Variants in BORA observed in about 807,000 individuals in gnomAD.
The protein encoded by BORA is BORA aurora kinase A activator.
BORA carries 26 observed loss-of-function variants against 55.8 expected under a neutral mutation model. The observed-to-expected ratio is 0.47, with a 90% confidence interval of 0.34 to 0.65. The LOEUF is 0.65. BORA is among the 30% of genes least tolerant of loss of function. BORA has a pLI of 0.01. For synonymous variants in BORA, 201 were observed against 216.9 expected, an observed-to-expected ratio of 0.93 and a Z score of 0.64; for missense variants, 568 against 671.5, an observed-to-expected ratio of 0.85 and a Z score of 1.70.
At chr13:72,735,132 C>T (rs1404832432) in intron 4 of BORA, 127 bp downstream of exon 4, 1 of 728,162 alleles carries the variant, frequency 1.4e-6, no homozygotes, top group Non-Finnish European at 2.3e-6. Context: ...TTCACAGTCC[C>T]ATCTATATAA....
chr13:72,728,230 A>T (rs1372148136), intron 1 of BORA: 1 of 721,930 alleles, frequency 1.4e-6, no homozygotes, highest in East Asian at 2.7e-5. Flanking sequence ...ACCTTCCAGA[A>T]GTAGACTCTT....
intron 5 of BORA, among the ~76,000 whole-genome samples, chr13:72,742,811 C>A (rs1166451624): frequency 2.3e-5 from 3 of 130,362 alleles, no homozygotes; most frequent in Non-Finnish European, 5.0e-5. Flanking sequence ...CACACACACA[C>A]AAAATGGAAT....
At chr13:72,741,035 A>G (rs2033023606) in intron 5 of BORA, among the ~76,000 whole-genome samples, 1 of 152,220 alleles carries the variant, frequency 6.6e-6, no homozygotes, top group African/African-American at 2.4e-5. Context: ...TTGTTTATAC[A>G]TGTTAGCTTG....
intron 11 of BORA, chr13:72,754,915 T>C (rs1000158630): frequency 2.2e-5 from 9 of 405,212 alleles, no homozygotes; most frequent in Non-Finnish European, 3.6e-5. Context: ...GGTCTCACTA[T>C]GTTGCCAGGG....
chr13:72,741,248 C>T (rs1264304550), intron 5 of BORA, among the ~76,000 whole-genome samples: 2 of 152,226 alleles, frequency 1.3e-5, no homozygotes, highest in African/African-American at 4.8e-5. Context: ...ACAGTCTGCA[C>T]AGCCCCAGCA....
chr13:72,728,088 C>A (rs995314880), intron 1 of BORA, 81 bp downstream of exon 1: 2 of 1,527,552 alleles, frequency 1.3e-6, no homozygotes, highest in Non-Finnish European at 1.8e-6. Context: ...GACTTGCCTG[C>A]CCGCTCGCCC....
intron 6 of BORA, 55 bp from the exon 7 acceptor site, chr13:72,744,450 A>T (rs1032750215): frequency 1.4e-6 from 2 of 1,432,276 alleles, no homozygotes; most frequent in Non-Finnish European, 2.0e-6. Flanking sequence ...TATAGTGTAT[A>T]CTTTCATTGA....
chr13:72,736,848 ACTCCTATTACTTTAAAAATGACTTT>A (rs2032938047), intron 4 of BORA, among the ~76,000 whole-genome samples: 1 of 141,838 alleles, frequency 7.1e-6, no homozygotes, highest in Non-Finnish European at 1.5e-5. Flanking sequence ...AATTTGTTCT[ACTCCTATTACTTTAAAAATGACTTT>A]TTTTTTTTGT....
intron 10 of BORA, among the ~76,000 whole-genome samples, chr13:72,747,963 C>G (rs2033186707): frequency 1.3e-5 from 2 of 152,174 alleles, no homozygotes; most frequent in Admixed American, 6.5e-5. Context: ...ATTCATTTAA[C>G]AGATACGTAT....
rs1176673807 is a variant in BORA, at chr13:72,746,015, G to GCCTATT, written c.811_816dup (p.Pro271_Ile272dup). The GCCTATT allele has an allele frequency of 1.9e-6, 3 of 1,612,440 alleles. No homozygotes were observed. In the East Asian group the frequency reaches 6.7e-5, roughly 36 times the overall value. On this transcript the variant is annotated inframe_insertion, in exon 9 of 12. Transcript: ENST00000390667. ...GCTTGGGAAGCATAACTAGTCCTTC[G>GCCTATT]CCTATTTCTTCACCCACTTTCTCAC...
At position 72,744,528 on chromosome 13, in the gene BORA, C is replaced by T. The variant is rs1472300438; in HGVS notation, c.478C>T (p.Leu160Phe). The T allele has an allele frequency of 6.2e-7, 1 of 1,610,944 alleles. No individual in the cohort carries two copies. Among genetic ancestry groups the T allele is most frequent in the Non-Finnish European group, 8.5e-7 (1 of 1,178,250 alleles). Residue 160 changes from leucine (L) to phenylalanine (F), a missense_variant, in exon 7 of 12, where the codon CTT becomes TTT. Leu to Phe is a conservative substitution (Grantham distance 22, BLOSUM62 0). Transcript: ENST00000390667. ...SDAACQTLLSLPVDFNLENIL... is the reference protein window; with the variant it reads ...SDAACQTLLSFPVDFNLENIL... ...AGCTGCTTGTCAGACATTGCTGTCT[C>T]TTCCTGTGGATTTTAATTTAGAAAA...
At position 72,744,501 on chromosome 13, in the gene BORA, C is replaced by T; in HGVS notation, c.455-4C>T. On this transcript the variant is annotated splice_polypyrimidine_tract_variant and splice_region_variant and intron_variant, in intron 6 of 11. Coordinates refer to ENST00000390667, the MANE Select transcript of BORA (RefSeq NM_024808.5). Reference sequence around the variant, plus strand: ...AATTTGTTTATTTATTTGCTTGTTTCCAGCTGCTTGTCAGACATTGCTGTC... The same window carrying T: ...AATTTGTTTATTTATTTGCTTGTTTTCAGCTGCTTGTCAGACATTGCTGTC... 1.9e-6 allele frequency: 3 copies of T among 1,609,324 alleles called. No individual in the cohort carries two copies. The highest frequency in any genetic ancestry group is 2.5e-6 in the Non-Finnish European group (3 of 1,176,906).
chr13:72,745,146 T>C lies in BORA; in HGVS notation c.677T>C (p.Met226Thr). The C allele has an allele frequency of 6.2e-7, 1 of 1,614,142 alleles. No individual in the cohort carries two copies. The highest frequency in any genetic ancestry group is 8.5e-7 in the Non-Finnish European group (1 of 1,179,982). The change falls in exon 8 of 12, where the codon ATG becomes ACG. Residue 226 changes from methionine (M) to threonine (T), a missense_variant. Coordinates refer to ENST00000390667, the MANE Select transcript of BORA (RefSeq NM_024808.5). ...AGTGGTGTTCAAACATCACTAGAGA[T>C]GTTTTATTCAATAGATTTGTCTCCT... Reference protein sequence around the residue: ...PHSGVQTSLEMFYSIDLSPVK... With the variant: ...PHSGVQTSLETFYSIDLSPVK...
intron 1 of BORA, 181 bp downstream of exon 1, chr13:72,728,188 G>A (rs113113572): frequency 0.13 from 104,228 of 831,244 alleles, 7,769 homozygotes; most frequent in Middle Eastern, 0.17. Flanking sequence ...CGCCTCCTTC[G>A]CACTCCATCC....
rs560001553 is a variant in BORA, at chr13:72,731,107, G to A, written c.154-174G>A. Among the ~76,000 whole-genome samples the A allele has an allele frequency of 2.6e-5, 4 of 152,156 alleles. No homozygotes were observed. In the East Asian group the frequency reaches 5.8e-4, roughly 22 times the overall value. On this transcript the variant is annotated intron_variant, in intron 2 of 11. Transcript: ENST00000390667. ...AGAGATACAATTAAGTCAGTTGATC[G>A]AATGTGATATGATTACCCTTTGCCA...
intron 10 of BORA, 46 bp downstream of exon 10, chr13:72,747,157 T>G: frequency 6.4e-7 from 1 of 1,568,824 alleles, no homozygotes; most frequent in South Asian, 1.2e-5. Flanking sequence ...TGCCTTGGTG[T>G]TCTTTATCCT....
intron 11 of BORA, 82 bp downstream of exon 11, chr13:72,753,903 TTG>T (rs2033356087): frequency 6.2e-6 from 8 of 1,292,916 alleles, no homozygotes; most frequent in Non-Finnish European, 8.5e-6. Context: ...AATAGTACTA[TTG>T]AGAAACTATA....
intron 3 of BORA, among the ~76,000 whole-genome samples, chr13:72,733,252 A>G (rs1052042006): frequency 6.6e-6 from 1 of 152,104 alleles, no homozygotes; most frequent in Non-Finnish European, 1.5e-5. Flanking sequence ...CATCCTTTTC[A>G]TGCCACCATC....
At chr13:72,734,213 C>A (rs1035040969) in intron 3 of BORA, among the ~76,000 whole-genome samples, 1 of 152,062 alleles carries the variant, frequency 6.6e-6, no homozygotes, top group South Asian at 2.1e-4. Flanking sequence ...AGAAAAAATT[C>A]TGAGACAAAA....
Sources: gnomAD v4.1 joint callset for allele counts (sites outside exome capture counted in the v4.1 genomes callset) on GRCh38, gnomAD v4.1.1 for gene constraint, MANE v1.5 for transcripts, NCBI Gene and HGNC (gene_info 2026-07-23, HGNC 2026-07-21) for gene names.